ENTPD2: variants seen among roughly 807,000 people sequenced by gnomAD.
The protein encoded by ENTPD2 is ectonucleoside triphosphate diphosphohydrolase 2, also known as CD39 antigen-like 1.
Under a neutral mutation model 46.8 loss-of-function variants are expected in ENTPD2, and 48 were observed. That is an observed-to-expected ratio of 1.03 (90% CI 0.81 to 1.30). ENTPD2 has a LOEUF of 1.30. Among genes scored for constraint, ENTPD2 ranks in the 50% most tolerant of loss-of-function variants. The pLI is 0.00. For missense variants in ENTPD2, 707 were observed against 651.1 expected (o/e 1.09, Z -0.93); for synonymous variants, 316 against 286.1 (o/e 1.10, Z -1.06).
rs769785647 is a variant in ENTPD2 at position 137,051,021 on chromosome 9, C to T, written c.655G>A (p.Asp219Asn). 43 of 1,612,826 alleles carry T rather than the reference C, an allele frequency of 2.7e-5. No individual in the cohort carries two copies. The highest frequency in any genetic ancestry group is 3.3e-5 in the South Asian group (3 of 91,078). ...TGCAGCTGGACCTCGCTGGCTCTGT[C>T]CTCAGCTGGACTGGTTGTCTCAAAA... ...ITFETTSPAE[D>N]RASEVQLHLY... Residue 219 changes from aspartate to asparagine, a missense_variant, in exon 5 of 9, where the codon GAC (aspartate) becomes AAC (asparagine). By Grantham distance (23) the Asp-to-Asn change is conservative. Transcript: ENST00000355097.
At position 137,051,024 on chromosome 9, in the gene ENTPD2, C is replaced by T. The variant is rs774636661; in HGVS notation, c.652G>A (p.Glu218Lys). 31 of 1,612,896 alleles carry T rather than the reference C, an allele frequency of 1.9e-5. No individual in the cohort carries two copies. The highest frequency in any genetic ancestry group is 2.4e-5 in the Non-Finnish European group (28 of 1,180,012). ...QITFETTSPA[E>K]DRASEVQLHL... ...AGCTGGACCTCGCTGGCTCTGTCCT[C>T]AGCTGGACTGGTTGTCTCAAAAGTG... Residue 218 changes from glutamate (E) to lysine (K), a missense_variant, in exon 5 of 9, where the codon GAG (glutamate) becomes AAG (lysine). Glu to Lys is a moderately conservative substitution (Grantham distance 56, BLOSUM62 1). Transcript: ENST00000355097.
At position 137,048,802 on chromosome 9, in the gene ENTPD2, A is replaced by G; in HGVS notation, c.1343T>C (p.Ile448Thr). The part of the protein sequence containing the change: ...LGYMLNLTNL[I>T]PADPPGLRKG... ...GCGCAGCCCCGGCGGGTCGGCGGGG[A>G]TCAGGTTGGTCAGGTTCAGCATGTA... The change falls in exon 9 of 9, where the codon ATC (isoleucine) becomes ACC (threonine). Residue 448 changes from isoleucine to threonine, a missense_variant. Ile to Thr is a moderately conservative substitution (Grantham distance 89, BLOSUM62 -1). Transcript: ENST00000355097. The G allele has an allele frequency of 6.3e-7, 1 of 1,581,598 alleles. No individual in the cohort carries two copies. Among genetic ancestry groups the G allele is most frequent in the Non-Finnish European group, 8.6e-7 (1 of 1,163,270 alleles).
intron 3 of ENTPD2, 33 bp from the exon 4 acceptor site, chr9:137,051,403 TC>T: frequency 6.5e-7 from 1 of 1,537,950 alleles, no homozygotes; most frequent in Admixed American, 2.0e-5. Context: ...AGAGGCCTTC[TC>T]CCCAGGTGGC....
At position 137,052,298 on chromosome 9, in the gene ENTPD2, G is replaced by A. The variant is rs1588556868; in HGVS notation, c.168C>T (p.Tyr56=). 1.3e-6 allele frequency: 2 copies of A among 1,597,598 alleles called. No individual in the cohort carries two copies. Among genetic ancestry groups the A allele is most frequent in the East Asian group, 2.3e-5 (1 of 43,914 alleles). The change falls in exon 2 of 9, where the codon TAC becomes TAT. Residue 56 remains tyrosine (Y), a synonymous_variant. Coordinates refer to ENST00000355097, the MANE Select transcript of ENTPD2 (RefSeq NM_203468.3). ...AGSSHTSMFI[Y]KWPADKENDT... is the part of the protein sequence containing the mutation. The stretch of plus-strand genomic sequence containing the variant: ...CGTTCTCCTTGTCTGCCGGCCACTT[G>A]TAGATAAACATGGACGTGTGTGAAG...
intron 5 of ENTPD2, 51 bp from the exon 6 acceptor site, chr9:137,050,589 C>G: frequency 6.3e-7 from 1 of 1,585,814 alleles, no homozygotes. Flanking sequence ...CTCCAGAGGA[C>G]CAGCCTGACA....
rs1832230697 is a variant in ENTPD2 at position 137,050,043 on chromosome 9, C to T, written c.1030-54G>A. ...GAACCCCAGCGGCTCAGAGCACCTGCTGCCACCCGCCTGTCCCTACTCACG... is the reference window on the plus strand; with the variant it reads ...GAACCCCAGCGGCTCAGAGCACCTGTTGCCACCCGCCTGTCCCTACTCACG... On this transcript the variant is annotated intron_variant, in intron 6 of 8. Transcript: ENST00000355097. 15 of 1,556,960 alleles carry T rather than the reference C, an allele frequency of 9.6e-6. 5 individuals carry two copies. Among genetic ancestry groups the T allele is most frequent in the Non-Finnish European group, 7.0e-6 (8 of 1,148,246 alleles).
intron 7 of ENTPD2, 139 bp from the exon 8 acceptor site, chr9:137,049,214 C>T (rs553845490): frequency 3.6e-6 from 5 of 1,397,876 alleles, no homozygotes; most frequent in Admixed American, 3.9e-5. Context: ...CACACAGGCC[C>T]GGACACGAAT....
Position 137,048,625 on chromosome 9 carries a change from G to C in ENTPD2, c.*32C>G. The C allele has an allele frequency of 6.5e-7, 1 of 1,535,286 alleles. No homozygotes were observed. Among genetic ancestry groups the C allele is most frequent in the Non-Finnish European group, 8.8e-7 (1 of 1,142,320 alleles). ...TACGGGGTGGGGATACAGGGGTTGG[G>C]GGAGGGATGGGGCAGCTGCCCCCGT... On this transcript the variant is annotated 3_prime_UTR_variant, in exon 9 of 9. Coordinates refer to ENST00000355097, the MANE Select transcript of ENTPD2 (RefSeq NM_203468.3).
At position 137,051,547 on chromosome 9, in the gene ENTPD2, G is replaced by A; in HGVS notation, c.349C>T (p.Leu117Phe). ...ATACCCGCTGTGGCTCCCAGGTAGA[G>A]GGGTGTGCCCGCGTGTCTCTCTTTG... ...VPKERHAGTP[L>F]YLGATAGMRL... Residue 117 changes from leucine to phenylalanine, a missense_variant, in exon 3 of 9, where the codon CTC (leucine) becomes TTC (phenylalanine). Coordinates refer to ENST00000355097, the MANE Select transcript of ENTPD2 (RefSeq NM_203468.3). 1.2e-6 allele frequency: 2 copies of A among 1,611,400 alleles called. No homozygotes were observed. Among genetic ancestry groups the A allele is most frequent in the East Asian group, 2.2e-5 (1 of 44,884 alleles).
At position 137,049,923 on chromosome 9, in the gene ENTPD2, G is replaced by C; in HGVS notation, c.1096C>G (p.Leu366Val). ...RTSMGLPVATLQQLEAAAVNV... is the reference protein window; with the variant it reads ...RTSMGLPVATVQQLEAAAVNV... ...ACTGCGGCTGCCTCCAGCTGCTGCA[G>C]GGTGGCCACGGGCAGCCCCATCGAA... The change falls in exon 7 of 9, where the codon CTG becomes GTG. Residue 366 changes from leucine (L) to valine (V), a missense_variant. Physicochemically the swap from Leu to Val is conservative, Grantham distance 32. Transcript: ENST00000355097. 6.2e-7 allele frequency: 1 copy of C among 1,612,542 alleles called. No individual in the cohort carries two copies. Among genetic ancestry groups the C allele is most frequent in the Admixed American group, 1.7e-5 (1 of 60,008 alleles).
rs1272130555 is a variant in ENTPD2, at chr9:137,049,013, G to C, written c.1212C>G (p.Phe404Leu). ...AGCCGCGACTCAGCAGCTGCTGCAC[G>C]AACATGGCCCCGGCGCAGTAGTCGG... ...RLADYCAGAM[F>L]VQQLLSRGYG... The change falls in exon 8 of 9, where the codon TTC becomes TTG. Residue 404 changes from phenylalanine (F) to leucine (L), a missense_variant. Phe to Leu is a conservative substitution (Grantham distance 22). Coordinates refer to ENST00000355097, the MANE Select transcript of ENTPD2 (RefSeq NM_203468.3). 1 of 1,536,906 alleles carries C rather than the reference G, an allele frequency of 6.5e-7. No individual in the cohort carries two copies. Among genetic ancestry groups the C allele is most frequent in the Admixed American group, 2.0e-5 (1 of 50,732 alleles).
In ENTPD2 at chr9:137,048,520, GGA is replaced by G; in HGVS notation, c.*135_*136del. 1.6e-6 allele frequency: 1 copy of G among 633,232 alleles called. No homozygotes were observed. Among genetic ancestry groups the G allele is most frequent in the South Asian group, 1.9e-5 (1 of 51,948 alleles). The allele number at this position is 633,232 out of a possible 1,614,324, so 39.2% of individuals were successfully genotyped here. On this transcript the variant is annotated 3_prime_UTR_variant, in exon 9 of 9. Coordinates refer to ENST00000355097, the MANE Select transcript of ENTPD2 (RefSeq NM_203468.3). ...GGAGGAATGCAGGATACAGGGGCGG[GGA>G]GAGAGGTTGGGAGAGGGGTGGGTGG...
At chr9:137,053,754 C>A in intron 1 of ENTPD2, 127 bp downstream of exon 1, 1 of 598,294 alleles carries the variant, frequency 1.7e-6, no homozygotes, top group Non-Finnish European at 2.4e-6. Context: ...CCCCACCCAG[C>A]CCGCCAGGAG....
chr9:137,049,275 C>A, intron 7 of ENTPD2, 200 bp from the exon 8 acceptor site: 1 of 896,162 alleles, frequency 1.1e-6, no homozygotes, highest in South Asian at 1.4e-5. Flanking sequence ...TTCCATCCCT[C>A]CCCAGCCAGC....
At chr9:137,050,571 C>A in intron 5 of ENTPD2, 33 bp from the exon 6 acceptor site, 1 of 1,602,222 alleles carries the variant, frequency 6.2e-7, no homozygotes, top group Non-Finnish European at 8.5e-7. Flanking sequence ...AGGGTGGCAC[C>A]ACCACCGCTC....
In ENTPD2 at chr9:137,052,441, C is replaced by CAGCG. The variant is rs1832317826; in HGVS notation, c.118-94_118-93insCGCT. 3.2e-6 allele frequency: 3 copies of CAGCG among 925,940 alleles called. No homozygotes were observed. In the Admixed American group the frequency reaches 7.5e-5, roughly 23 times the overall value. 57.4% of individuals were successfully genotyped at this position (925,940 alleles called of 1,614,324 possible). A position where few individuals can be genotyped will look rare whatever the true frequency, so the allele number is the denominator to read the frequency against. ...AAGTTGGGTTCCTCCAGTTTGCCAC[C>CAGCG]GCTCCCCCCCCCACCCAGTCATGTG... On this transcript the variant is annotated intron_variant, in intron 1 of 8. Transcript: ENST00000355097.
In ENTPD2 at chr9:137,050,544, G is replaced by A. The variant is rs752018909; in HGVS notation, c.775-6C>T. 3.1e-6 allele frequency: 5 copies of A among 1,610,292 alleles called. No individual in the cohort carries two copies. In the South Asian group the frequency reaches 4.4e-5, roughly 14 times the overall value. ...CAGGGGTGGAAGCCGTGGGTCTGGGGGAATCACCAGCGTGACAGGGTGGCA... is the reference window on the plus strand; with the variant it reads ...CAGGGGTGGAAGCCGTGGGTCTGGGAGAATCACCAGCGTGACAGGGTGGCA... On this transcript the variant is annotated splice_region_variant and splice_polypyrimidine_tract_variant and intron_variant, in intron 5 of 8. Transcript: ENST00000355097.
In ENTPD2 at chr9:137,048,954, A is replaced by G. The variant is rs1564250750; in HGVS notation, c.1271T>C (p.Ile424Thr). Reference protein sequence around the residue: ...GFDERAFGGVIFQKKAADTAV... With the variant: ...GFDERAFGGVTFQKKAADTAV... The stretch of plus-strand genomic sequence containing the variant: ...GCCCCAGCCCACCTTCTTCTGGAAG[A>G]TCACGCCGCCGAAGGCGCGCTCGTC... The change falls in exon 8 of 9, where the codon ATC becomes ACC. Residue 424 changes from isoleucine to threonine, a missense_variant. Physicochemically the swap from Ile to Thr is moderately conservative, Grantham distance 89. Transcript: ENST00000355097. 6.5e-7 allele frequency: 1 copy of G among 1,529,280 alleles called. No individual in the cohort carries two copies. Among genetic ancestry groups the G allele is most frequent in the Non-Finnish European group, 8.8e-7 (1 of 1,140,748 alleles). The allele number at this position is 1,529,280 out of a possible 1,614,324, so 94.7% of individuals were successfully genotyped here. A position where few individuals can be genotyped will look rare whatever the true frequency, so the allele number is the denominator to read the frequency against.
intron 2 of ENTPD2, 37 bp from the exon 3 acceptor site, chr9:137,051,697 G>A: frequency 6.3e-7 from 1 of 1,575,380 alleles, no homozygotes; most frequent in Non-Finnish European, 8.6e-7. Context: ...ATGCCTCACG[G>A]GCAGCCCCTA....
Sources: allele counts gnomAD v4.1 joint callset, GRCh38; gene constraint gnomAD v4.1.1; transcripts MANE v1.5; gene names NCBI Gene and HGNC (gene_info 2026-07-23, HGNC 2026-07-21).